The following DMD variants were observed in gnomAD, a reference collection of about 807,000 sequenced individuals.
DMD encodes dystrophin, also known as mutant dystrophin.
DMD carries 63 observed loss-of-function variants against 330.1 expected under a neutral mutation model. The ratio of observed to expected loss-of-function variants is 0.19; its 90% CI spans 0.16 to 0.24. The LOEUF (loss-of-function observed/expected upper bound fraction) is 0.24, where lower values mean the gene tolerates loss of function less well. Among genes scored for constraint, DMD ranks in the 10% least tolerant of loss-of-function variants. DMD has a pLI of 1.00. For synonymous variants in DMD, 1,223 were observed against 959.8 expected (o/e 1.27, Z -5.07); for missense variants, 3,344 against 2,684.1 (o/e 1.25, Z -5.43).
intron 43 of DMD, among the ~76,000 whole-genome samples, chrX:32,228,640 T>C (rs1311826340): frequency 1.8e-5 from 2 of 111,709 alleles, no homozygotes; most frequent in African/African-American, 6.5e-5. Context: ...GAGGATTTGA[T>C]ATATTCAAGG....
At chrX:31,409,799 C>T (rs2061556822) in intron 60 of DMD, among the ~76,000 whole-genome samples, 1 of 109,102 alleles carries the variant, frequency 9.2e-6, no homozygotes, top group African/African-American at 3.4e-5. Context: ...AGTTCTTAAA[C>T]CATTTTTATT....
At chrX:32,791,097 T>C (rs2075785408) in intron 7 of DMD, among the ~76,000 whole-genome samples, 1 of 111,137 alleles carries the variant, frequency 9.0e-6, no homozygotes, top group African/African-American at 3.3e-5. Flanking sequence ...CACTCAAGCT[T>C]CCACTACCAC....
intron 2 of DMD, among the ~76,000 whole-genome samples, chrX:32,885,159 G>T (rs2084397149): frequency 9.0e-6 from 1 of 111,709 alleles, no homozygotes; most frequent in African/African-American, 3.3e-5. Flanking sequence ...TTTCCTATGG[G>T]TTAAGATGTG....
Position 31,168,698 on chromosome X carries a change from C to T in DMD, c.10553+745G>A, listed in dbSNP as rs181507789. Among the ~76,000 whole-genome samples, 3 of 111,762 alleles carry T rather than the reference C, an allele frequency of 2.7e-5. No individual in the cohort carries two copies. In the East Asian group the frequency reaches 8.4e-4, roughly 31 times the overall value. Reference sequence around the variant, plus strand: ...TGGTGGCATCTGTCTGAAGAAGGCACATTGTGAGTTAGAAGTGATCATGTG... The same window carrying T: ...TGGTGGCATCTGTCTGAAGAAGGCATATTGTGAGTTAGAAGTGATCATGTG... On this transcript the variant is annotated intron_variant, in intron 74 of 78. Coordinates refer to ENST00000357033, the MANE Select transcript of DMD (RefSeq NM_004006.3).
chrX:32,441,888 T>TA (rs768279812), intron 27 of DMD, among the ~76,000 whole-genome samples: 7 of 111,462 alleles, frequency 6.3e-5, no homozygotes, highest in Non-Finnish European at 1.1e-4. Context: ...TGTTTGCTAT[T>TA]ATAAATTTAT....
chrX:32,293,869 T>A (rs1271753585), intron 42 of DMD, among the ~76,000 whole-genome samples: 2 of 111,645 alleles, frequency 1.8e-5, no homozygotes, highest in Non-Finnish European at 1.9e-5. Flanking sequence ...ATGGATGTAA[T>A]ACCTGTTATT....
rs765081469 is a variant in DMD at position 32,252,137 on chromosome X, C to G, written c.6291-35074G>C. On this transcript the variant is annotated intron_variant, in intron 43 of 78. Transcript: ENST00000357033. The stretch of plus-strand genomic sequence containing the variant: ...CAACGTAAAACTTGCCACGCTCTCC[C>G]TCTCTCACCATACCCCATACACAAG... Among the ~76,000 whole-genome samples the G allele has an allele frequency of 7.0e-4, 78 of 111,676 alleles. 1 individual carries two copies. Among genetic ancestry groups the G allele is most frequent in the Non-Finnish European group, 9.0e-4 (48 of 53,144 alleles).
At chrX:33,241,490 A>G (rs1410436280) in intron 1 of DMD, among the ~76,000 whole-genome samples, 1 of 111,402 alleles carries the variant, frequency 9.0e-6, no homozygotes, top group Admixed American at 9.6e-5. Flanking sequence ...TAGTGTGATG[A>G]CACCAGTTTT....
chrX:32,479,314 A>G (rs964747192), intron 21 of DMD, among the ~76,000 whole-genome samples: 7 of 110,656 alleles, frequency 6.3e-5, no homozygotes, highest in African/African-American at 2.0e-4. Context: ...TCTTTTACCA[A>G]TTTTGAAACA....
At chrX:33,136,664 T>C (rs1184470375) in intron 1 of DMD, among the ~76,000 whole-genome samples, 1 of 110,631 alleles carries the variant, frequency 9.0e-6, no homozygotes, top group Non-Finnish European at 1.9e-5. Flanking sequence ...CCTTCCAGTA[T>C]GTGAGGGTAA....
intron 43 of DMD, among the ~76,000 whole-genome samples, chrX:32,252,755 A>AAT (rs1569553654): frequency 1.2e-4 from 4 of 32,573 alleles, no homozygotes; most frequent in African/African-American, 7.6e-4. Flanking sequence ...AATATATATA[A>AAT]ATATATAAAT....
chrX:31,242,703 T>TGTGG (rs2048462808), intron 63 of DMD, among the ~76,000 whole-genome samples: 1 of 84,033 alleles, frequency 1.2e-5, no homozygotes, highest in South Asian at 4.8e-4. Flanking sequence ...ATAAGATATG[T>TGTGG]GTGTGTGTGT....
intron 1 of DMD, among the ~76,000 whole-genome samples, chrX:33,269,477 A>G (rs1326304531): frequency 1.8e-5 from 2 of 111,103 alleles, no homozygotes; most frequent in African/African-American, 6.6e-5. Context: ...AAAGCTACCT[A>G]TTGGGTACTA....
At chrX:32,373,822 T>C in intron 34 of DMD, among the ~76,000 whole-genome samples, 2 of 111,962 alleles carry the variant, frequency 1.8e-5, no homozygotes, top group Non-Finnish European at 3.8e-5. Flanking sequence ...ATATGGCCCC[T>C]ATTAGGTCAG....
intron 18 of DMD, among the ~76,000 whole-genome samples, chrX:32,502,383 C>T (rs751006287): frequency 9.0e-6 from 1 of 111,482 alleles, no homozygotes; most frequent in African/African-American, 3.2e-5. Context: ...TCAAAGTACT[C>T]CTATTTCCAA....
chrX:32,650,912 T>C (rs1012564564), intron 9 of DMD, among the ~76,000 whole-genome samples: 2 of 111,695 alleles, frequency 1.8e-5, no homozygotes, highest in Non-Finnish European at 3.8e-5. Context: ...TATATCATTT[T>C]TCACTACAAC....
intron 7 of DMD, among the ~76,000 whole-genome samples, chrX:32,775,142 G>A (rs1188720395): frequency 1.8e-5 from 2 of 112,825 alleles, no homozygotes; most frequent in African/African-American, 6.4e-5. Context: ...AGGGCAGGCT[G>A]ATGCAAGGGG....
chrX:32,079,239 A>G (rs1322921862), intron 44 of DMD, among the ~76,000 whole-genome samples: 3 of 112,082 alleles, frequency 2.7e-5, no homozygotes, highest in African/African-American at 9.7e-5. Context: ...TTCTTCCCCT[A>G]CATCACAGAG....
intron 11 of DMD, among the ~76,000 whole-genome samples, chrX:32,625,331 C>A (rs1367800884): frequency 9.0e-6 from 1 of 111,340 alleles, no homozygotes; most frequent in African/African-American, 3.3e-5. Context: ...ATATGTATGG[C>A]TAGTAAGGCT....
Sources: gnomAD v4.1 joint callset for allele counts (sites outside exome capture counted in the v4.1 genomes callset) on GRCh38, gnomAD v4.1.1 for gene constraint, MANE v1.5 for transcripts, NCBI Gene and HGNC (gene_info 2026-07-23, HGNC 2026-07-21) for gene names.